The following FHOD3 variants were observed in gnomAD, a reference collection of about 807,000 sequenced individuals.
FHOD3 encodes the protein FH1/FH2 domain-containing protein 3.
Under a neutral mutation model 173.0 loss-of-function variants are expected in FHOD3, and 90 were observed. That is an observed-to-expected ratio of 0.52 (90% CI 0.44 to 0.62). The LOEUF is 0.62. FHOD3 is among the 20% of genes least tolerant of loss of function. The pLI is 0.00. For synonymous variants in FHOD3, 828 were observed against 823.0 expected, an observed-to-expected ratio of 1.01 and a Z score of -0.10; for missense variants, 1,945 against 2,034.7, an observed-to-expected ratio of 0.96 and a Z score of 0.85.
intron 7 of FHOD3, 48 bp from the exon 8 acceptor site, chr18:36,602,626 A>G: frequency 7.5e-7 from 1 of 1,339,146 alleles, no homozygotes. Context: ...AGTTAGATAA[A>G]GAATGTTGAT....
At chr18:36,665,246 T>C (rs2149264906) in intron 14 of FHOD3, among the ~76,000 whole-genome samples, 1 of 152,344 alleles carries the variant, frequency 6.6e-6, no homozygotes, top group South Asian at 2.1e-4. Flanking sequence ...AAATTATGTA[T>C]GTAGGATACA....
At chr18:36,613,275 A>G (rs2032875321) in intron 9 of FHOD3, among the ~76,000 whole-genome samples, 1 of 152,270 alleles carries the variant, frequency 6.6e-6, no homozygotes, top group African/African-American at 2.4e-5. Flanking sequence ...CTGGTGCAAC[A>G]GCACAGGTCA....
At chr18:36,406,429 G>C (rs2049070854) in intron 3 of FHOD3, among the ~76,000 whole-genome samples, 2 of 152,180 alleles carry the variant, frequency 1.3e-5, no homozygotes, top group Admixed American at 6.5e-5. Context: ...AACAGCCTTG[G>C]CATGTGCGGG....
chr18:36,643,793 C>T (rs1015122795), intron 10 of FHOD3, among the ~76,000 whole-genome samples: 3 of 152,096 alleles, frequency 2.0e-5, no homozygotes, highest in Admixed American at 6.5e-5. Flanking sequence ...AATATATTTT[C>T]ATATATTCTT....
chr18:36,413,437 T>C (rs2049460884), intron 3 of FHOD3, among the ~76,000 whole-genome samples: 1 of 152,212 alleles, frequency 6.6e-6, no homozygotes, highest in Non-Finnish European at 1.5e-5. Flanking sequence ...CAGTGGGTTC[T>C]TTTTTGGGCT....
intron 22 of FHOD3, 54 bp downstream of exon 22, chr18:36,742,910 C>A: frequency 6.3e-7 from 1 of 1,576,900 alleles, no homozygotes; most frequent in Non-Finnish European, 8.6e-7. Context: ...AAAATCCCTG[C>A]CCAGCAATTG....
chr18:36,596,834 C>T (rs997661067), intron 7 of FHOD3, among the ~76,000 whole-genome samples: 1 of 152,076 alleles, frequency 6.6e-6, no homozygotes, highest in African/African-American at 2.4e-5. Flanking sequence ...ACCCTTATGG[C>T]CAAGAGTAGA....
At chr18:36,770,511 C>T (rs958794049) in intron 28 of FHOD3, among the ~76,000 whole-genome samples, 2 of 152,188 alleles carry the variant, frequency 1.3e-5, no homozygotes, top group Non-Finnish European at 2.9e-5. Context: ...TTCCTATGAT[C>T]TGCTTTCGTT....
At chr18:36,435,528 A>T (rs2050768656) in intron 3 of FHOD3, among the ~76,000 whole-genome samples, 1 of 152,166 alleles carries the variant, frequency 6.6e-6, no homozygotes, top group African/African-American at 2.4e-5. Flanking sequence ...TCAAATGATC[A>T]AGCCAGTAAT....
chr18:36,537,437 G>T (rs1252928843), intron 5 of FHOD3, among the ~76,000 whole-genome samples: 1 of 152,156 alleles, frequency 6.6e-6, no homozygotes, highest in Non-Finnish European at 1.5e-5. Context: ...CACCCCCCTT[G>T]CCCAGGAGCC....
intron 4 of FHOD3, among the ~76,000 whole-genome samples, chr18:36,505,601 G>A (rs1264740559): frequency 6.6e-6 from 1 of 152,186 alleles, no homozygotes; most frequent in Non-Finnish European, 1.5e-5. Flanking sequence ...CAGGGTGATT[G>A]AAGAAATTTA....
rs147604728 is a variant in FHOD3, at chr18:36,614,193, G to A, written c.957+2098G>A. Among the ~76,000 whole-genome samples the A allele has an allele frequency of 2.0e-3, 308 of 152,140 alleles. 1 individual carries two copies. Among genetic ancestry groups the A allele is most frequent in the African/African-American group, 6.9e-3 (288 of 41,500 alleles). ...TCCCTGTCCCCCATGGCCCCAAACC[G>A]GTAATCTACTTTCTCTCTCTATGGA... On this transcript the variant is annotated intron_variant, in intron 9 of 28. Transcript: ENST00000590592.
intron 26 of FHOD3, 38 bp from the exon 27 acceptor site, chr18:36,760,570 A>G: frequency 1.0e-5 from 15 of 1,482,868 alleles, no homozygotes; most frequent in Non-Finnish European, 1.4e-5. Context: ...CTTTTTGGGG[A>G]GTCTCCCTCA....
At chr18:36,563,513 T>A (rs1039619573) in intron 5 of FHOD3, among the ~76,000 whole-genome samples, 2 of 152,206 alleles carry the variant, frequency 1.3e-5, no homozygotes, top group African/African-American at 4.8e-5. Context: ...CAGCCAACCA[T>A]CAGCCACGTG....
intron 3 of FHOD3, among the ~76,000 whole-genome samples, chr18:36,498,633 T>G (rs1387412461): frequency 6.6e-6 from 1 of 152,108 alleles, no homozygotes; most frequent in Admixed American, 6.5e-5. Flanking sequence ...AGCCCTACAT[T>G]AATGAAGAAA....
At chr18:36,597,662 G>A (rs926702339) in intron 7 of FHOD3, among the ~76,000 whole-genome samples, 2 of 152,140 alleles carry the variant, frequency 1.3e-5, no homozygotes, top group Admixed American at 6.5e-5. Flanking sequence ...TCCTGACCTC[G>A]TGATCCACCC....
chr18:36,391,422 C>T lies in FHOD3; in HGVS notation c.337+18678C>T, dbSNP rs886710635. Reference sequence around the variant, plus strand: ...GGATCCCTTGGCCTGGCTGGGGTAGCCTTGTTCATGGGAATTTTTTCTCGA... The same window carrying T: ...GGATCCCTTGGCCTGGCTGGGGTAGTCTTGTTCATGGGAATTTTTTCTCGA... On this transcript the variant is annotated intron_variant, in intron 3 of 28. Transcript: ENST00000590592. Among the ~76,000 whole-genome samples the T allele has an allele frequency of 2.6e-5, 4 of 152,118 alleles. No homozygotes were observed. The South Asian group carries it at 6.3e-4, about 24-fold the overall frequency.
chr18:36,600,163 A>C (rs983278142), intron 7 of FHOD3, among the ~76,000 whole-genome samples: 2 of 149,320 alleles, frequency 1.3e-5, no homozygotes, highest in African/African-American at 5.0e-5. Context: ...CCTCCATCCC[A>C]CTCCTTTGGG....
intron 3 of FHOD3, among the ~76,000 whole-genome samples, chr18:36,400,197 T>G (rs2146651618): frequency 6.6e-6 from 1 of 152,250 alleles, no homozygotes; most frequent in South Asian, 2.1e-4. Flanking sequence ...TGGAAAAAAA[T>G]GAACTGGAAA....
Sources: gnomAD v4.1 joint callset for allele counts (sites outside exome capture counted in the v4.1 genomes callset) on GRCh38, gnomAD v4.1.1 for gene constraint, MANE v1.5 for transcripts, NCBI Gene and HGNC (gene_info 2026-07-23, HGNC 2026-07-21) for gene names.